The following ANKRD6 variants were observed in gnomAD, a reference collection of about 807,000 sequenced individuals.
ANKRD6 encodes the protein ankyrin repeat domain 6, also known as ankyrin repeat domain-containing protein 6.
Under a neutral mutation model 82.3 loss-of-function variants are expected in ANKRD6, and 56 were observed. That is an observed-to-expected ratio of 0.68 (90% CI 0.55 to 0.85). ANKRD6 has a LOEUF of 0.85. Among genes scored for constraint, ANKRD6 ranks in the 40% least tolerant of loss-of-function variants. The pLI, the probability that ANKRD6 is intolerant of heterozygous loss-of-function variation, is 0.00. For synonymous variants in ANKRD6, 347 were observed against 352.1 expected, an observed-to-expected ratio of 0.99 and a Z score of 0.16; for missense variants, 852 against 907.6, an observed-to-expected ratio of 0.94 and a Z score of 0.79.
intron 1 of ANKRD6, among the ~76,000 whole-genome samples, chr6:89,509,890 G>A (rs1780327286): frequency 6.6e-6 from 1 of 152,212 alleles, no homozygotes; most frequent in African/African-American, 2.4e-5. Flanking sequence ...CACAATCCAT[G>A]TTCTTAACCA....
chr6:89,522,290 G>T (rs1221478253), intron 1 of ANKRD6, among the ~76,000 whole-genome samples: 1 of 152,214 alleles, frequency 6.6e-6, no homozygotes, highest in East Asian at 1.9e-4. Context: ...CCCTGCTGTA[G>T]GGCAGGCAAC....
At position 89,539,651 on chromosome 6, in the gene ANKRD6, C is replaced by T. The variant is rs555365821; in HGVS notation, c.-143-27183C>T. Among the ~76,000 whole-genome samples, 4 of 152,084 alleles carry T rather than the reference C, an allele frequency of 2.6e-5. No individual in the cohort carries two copies. In the South Asian group the frequency reaches 8.3e-4, roughly 32 times the overall value. ...AGAATGAGGTGTCCATCCCCTCAAA[C>T]ATTTATCCATCGAGTTGCATTCTTT... On this transcript the variant is annotated intron_variant, in intron 1 of 15. Transcript: ENST00000339746.
intron 1 of ANKRD6, among the ~76,000 whole-genome samples, chr6:89,510,175 T>G (rs1582999853): frequency 6.6e-6 from 1 of 152,338 alleles, no homozygotes; most frequent in African/African-American, 2.4e-5. Flanking sequence ...CTGGGCAAGT[T>G]GGAGAGGAAA....
Position 89,630,991 on chromosome 6 carries a change from A to C in ANKRD6, c.2171A>C (p.Gln724Pro), listed in dbSNP as rs1421216606. ...EELAKLRTRV[Q>P]KEN ...CTTGCCAAACTAAGGACTAGGGTGC[A>C]GAAGGAAAATTAGCACCAATAAAGA... is the stretch of plus-strand genomic sequence containing the variant. Residue 724 changes from glutamine to proline, a missense_variant, in exon 16 of 16, where the codon CAG (glutamine) becomes CCG (proline). Coordinates refer to ENST00000339746, the MANE Select transcript of ANKRD6 (RefSeq NM_001242809.2). 2.0e-6 allele frequency: 3 copies of C among 1,534,930 alleles called. No homozygotes were observed. Among genetic ancestry groups the C allele is most frequent in the Non-Finnish European group, 2.6e-6 (3 of 1,144,460 alleles).
chr6:89,449,221 A>G (rs1408206732), intron 1 of ANKRD6, among the ~76,000 whole-genome samples: 1 of 152,112 alleles, frequency 6.6e-6, no homozygotes, highest in East Asian at 1.9e-4. Flanking sequence ...GGTTCTGAAG[A>G]GGCTGATTCC....
In ANKRD6 at chr6:89,441,115, A is replaced by G. The variant is rs375175554; in HGVS notation, c.-144+7740A>G. ...CTCTGTGGCCCACTGTTACTTCACT[A>G]TAGTGGGGATAAATGACCTTGAACA... On this transcript the variant is annotated intron_variant, in intron 1 of 15. Coordinates refer to ENST00000339746, the MANE Select transcript of ANKRD6 (RefSeq NM_001242809.2). 4.8e-4 allele frequency among the ~76,000 whole-genome samples: 73 copies of G among 152,228 alleles called. 1 individual carries two copies. In the South Asian group the frequency reaches 0.013, roughly 28 times the overall value.
intron 1 of ANKRD6, among the ~76,000 whole-genome samples, chr6:89,462,934 A>G (rs373975273): frequency 6.7e-6 from 1 of 148,314 alleles, no homozygotes; most frequent in Non-Finnish European, 1.5e-5. Context: ...CAGTGGTGCT[A>G]TCAGAGCTCG....
intron 1 of ANKRD6, among the ~76,000 whole-genome samples, chr6:89,442,245 C>T (rs1771490190): frequency 6.6e-6 from 1 of 152,082 alleles, no homozygotes; most frequent in Admixed American, 6.5e-5. Context: ...ATCCACCTGC[C>T]TTGGCTCCCC....
In ANKRD6 at chr6:89,632,515, C is replaced by G. The variant is rs778704353; in HGVS notation, c.*1511C>G. 1 of 152,144 alleles carries G rather than the reference C, an allele frequency of 6.6e-6. No individual in the cohort carries two copies. Among genetic ancestry groups the G allele is most frequent in the Non-Finnish European group, 1.5e-5 (1 of 68,050 alleles). 9.4% of individuals were successfully genotyped at this position (152,144 alleles called of 1,614,324 possible). A position where few individuals can be genotyped will look rare whatever the true frequency, so the allele number is the denominator to read the frequency against. On this transcript the variant is annotated 3_prime_UTR_variant, in exon 16 of 16. Transcript: ENST00000339746. ...CTCACTGCAGCCTTGGCCTCTCAGG[C>G]TCGTGATCCTCCTGCCTCAACCTCG... is the stretch of plus-strand genomic sequence containing the variant.
chr6:89,620,444 C>A (rs1802788141), intron 9 of ANKRD6, among the ~76,000 whole-genome samples: 2 of 152,202 alleles, frequency 1.3e-5, no homozygotes, highest in African/African-American at 2.4e-5. Context: ...GTCCATACAT[C>A]AGGTGAGCAA....
At chr6:89,458,911 C>T (rs1230608205) in intron 1 of ANKRD6, among the ~76,000 whole-genome samples, 1 of 152,206 alleles carries the variant, frequency 6.6e-6, no homozygotes, top group Non-Finnish European at 1.5e-5. Context: ...GGGTTCAGCA[C>T]CATGGGCAGC....
intron 1 of ANKRD6, among the ~76,000 whole-genome samples, chr6:89,505,918 C>T (rs559353113): frequency 1.8e-4 from 27 of 152,136 alleles, no homozygotes; most frequent in Non-Finnish European, 4.0e-4. Context: ...CGAAAACATG[C>T]GTGAACCTGC....
At chr6:89,571,804 G>A (rs1420057627) in intron 2 of ANKRD6, among the ~76,000 whole-genome samples, 3 of 152,016 alleles carry the variant, frequency 2.0e-5, no homozygotes, top group African/African-American at 7.3e-5. Flanking sequence ...TTTACATTAC[G>A]GCTTATTCTT....
At chr6:89,481,107 A>G (rs1041038617) in intron 1 of ANKRD6, among the ~76,000 whole-genome samples, 2 of 152,162 alleles carry the variant, frequency 1.3e-5, no homozygotes, top group East Asian at 1.9e-4. Flanking sequence ...TTTTCCTTGC[A>G]TTTAAAAAAT....
chr6:89,458,044 A>G (rs747842667), intron 1 of ANKRD6, among the ~76,000 whole-genome samples: 18 of 152,270 alleles, frequency 1.2e-4, no homozygotes, highest in Middle Eastern at 6.8e-3. Context: ...ATGGTGTTCT[A>G]TGAACCAGGA....
chr6:89,570,818 C>T (rs746438963), intron 2 of ANKRD6, among the ~76,000 whole-genome samples: 1 of 152,204 alleles, frequency 6.6e-6, no homozygotes, highest in Non-Finnish European at 1.5e-5. Flanking sequence ...GTTGCTACCG[C>T]CTTTTGCCTG....
Position 89,633,265 on chromosome 6 carries a change from A to G in ANKRD6, c.*2261A>G, listed in dbSNP as rs1176896683. On this transcript the variant is annotated 3_prime_UTR_variant, in exon 16 of 16. Coordinates refer to ENST00000339746, the MANE Select transcript of ANKRD6 (RefSeq NM_001242809.2). ...ACAGGCTCAGTCAGCATCCTCACCC[A>G]GAGATGGCAACATCTATTAAGACCA... The G allele has an allele frequency of 6.6e-6, 1 of 152,248 alleles. No homozygotes were observed. Among genetic ancestry groups the G allele is most frequent in the Non-Finnish European group, 1.5e-5 (1 of 68,040 alleles). The allele number at this position is 152,248 out of a possible 1,614,324, so 9.4% of individuals were successfully genotyped here.
chr6:89,621,898 A>G (rs761941690), intron 9 of ANKRD6, 24 bp from the exon 10 acceptor site: 1 of 1,609,786 alleles, frequency 6.2e-7, no homozygotes, highest in Non-Finnish European at 8.5e-7. Context: ...CAGTGGTTGT[A>G]ACAATGCCGT....
At chr6:89,562,542 C>T (rs938480890) in intron 1 of ANKRD6, 60 of 152,314 alleles carry the variant, frequency 3.9e-4, no homozygotes, top group African/African-American at 1.4e-3. Flanking sequence ...AATGTTCCTC[C>T]GATCTGTGAA....
Sources: allele counts gnomAD v4.1 joint callset (sites outside exome capture counted in the v4.1 genomes callset), GRCh38; gene constraint gnomAD v4.1.1; transcripts MANE v1.5; gene names NCBI Gene and HGNC (gene_info 2026-07-23, HGNC 2026-07-21).